The following RILPL2 variants were observed in gnomAD, a reference collection of about 807,000 sequenced individuals.
RILPL2 encodes the protein RILP-like protein 2.
RILPL2 carries 19 observed loss-of-function variants against 22.2 expected under a neutral mutation model. The ratio of observed to expected loss-of-function variants is 0.86; its 90% confidence interval spans 0.60 to 1.25. The LOEUF is 1.25. RILPL2 is among the 50% of genes most tolerant of loss of function. The pLI is 0.00. For synonymous variants in RILPL2, 123 were observed against 111.6 expected, an observed-to-expected ratio of 1.10 and a Z score of -0.64; for missense variants, 243 against 263.6, an observed-to-expected ratio of 0.92 and a Z score of 0.54.
At chr12:123,419,064 G>A (rs1879202703) in intron 3 of RILPL2, among the ~76,000 whole-genome samples, 1 of 147,806 alleles carries the variant, frequency 6.8e-6, no homozygotes, top group Admixed American at 6.9e-5. Context: ...AGGCTGGAGT[G>A]CAGTGGCACG....
In RILPL2 at chr12:123,431,846, A is replaced by G. The variant is rs140207050; in HGVS notation, c.340-1187T>C. 5.0e-4 allele frequency among the ~76,000 whole-genome samples: 76 copies of G among 151,858 alleles called. 1 individual carries two copies. In the East Asian group the frequency reaches 0.015, roughly 29 times the overall value. On this transcript the variant is annotated intron_variant, in intron 1 of 3. Transcript: ENST00000280571. ...ATCTCAAAAAAAAAAAAAAAATTTA[A>G]GATGGTAAATTTTATGTTACTGTAT...
At chr12:123,433,339 T>C (rs1361719556) in intron 1 of RILPL2, among the ~76,000 whole-genome samples, 1 of 152,202 alleles carries the variant, frequency 6.6e-6, no homozygotes, top group Non-Finnish European at 1.5e-5. Context: ...GACTTCCTGA[T>C]CCACCTGCCT....
At chr12:123,428,099 G>A (rs1879493650) in intron 2 of RILPL2, among the ~76,000 whole-genome samples, 1 of 152,124 alleles carries the variant, frequency 6.6e-6, no homozygotes, top group African/African-American at 2.4e-5. Context: ...CAGCTTGGCA[G>A]TTTCTCTTTT....
At chr12:123,410,769 A>T (rs572461652), downstream of RILPL2, 40 of 152,276 alleles carry the variant, frequency 2.6e-4, no homozygotes, top group African/African-American at 9.6e-4. Context: ...TTCAGTAATC[A>T]GTATTAGCTA....
At position 123,431,606 on chromosome 12, in the gene RILPL2, C is replaced by G. The variant is rs528460718; in HGVS notation, c.340-947G>C. 3.1e-3 allele frequency among the ~76,000 whole-genome samples: 477 copies of G among 151,900 alleles called. 2 individuals carry two copies. The highest frequency in any genetic ancestry group is 5.3e-3 in the Non-Finnish European group (360 of 67,912). ...TGGGAGGCCGAGGCGGGCGGATCAC[C>G]AGGTCAGGAGACAGAGACCATCCTG... On this transcript the variant is annotated intron_variant, in intron 1 of 3. Coordinates refer to ENST00000280571, the MANE Select transcript of RILPL2 (RefSeq NM_145058.3).
At chr12:123,430,704 AATT>A (rs750085601) in intron 1 of RILPL2, 45 bp from the exon 2 acceptor site, 383 of 1,221,300 alleles carry the variant, frequency 3.1e-4, no homozygotes, top group Middle Eastern at 8.2e-4. Flanking sequence ...TATATAATTA[AATT>A]ATTATTATTA....
At chr12:123,420,843 C>T (rs1224285546) in intron 3 of RILPL2, among the ~76,000 whole-genome samples, 1 of 152,066 alleles carries the variant, frequency 6.6e-6, no homozygotes, top group East Asian at 1.9e-4. Flanking sequence ...AGATTAGGGG[C>T]GAATGCACTT....
chr12:123,434,188 G>A (rs1005418137), intron 1 of RILPL2, among the ~76,000 whole-genome samples: 1 of 152,038 alleles, frequency 6.6e-6, no homozygotes, highest in African/African-American at 2.4e-5. Context: ...GGAGGCTGAG[G>A]TGGGCGTATC....
rs758176804 is a variant in RILPL2, at chr12:123,415,057, T to C, written c.*834A>G. 2 of 152,132 alleles carry C rather than the reference T, an allele frequency of 1.3e-5. No homozygotes were observed. The highest frequency in any genetic ancestry group is 1.5e-5 in the Non-Finnish European group (1 of 68,022). The allele number at this position is 152,132 out of a possible 1,614,324, so 9.4% of individuals were successfully genotyped here. ...AAACACATTGAGTAAGCCACTGTTA[T>C]TTACTAAGAAGACAGGCTCACGGAA... On this transcript the variant is annotated 3_prime_UTR_variant, in exon 4 of 4. Transcript: ENST00000280571.
In RILPL2 at chr12:123,433,828, C is replaced by T. The variant is rs1879715884; in HGVS notation, c.339+2254G>A. 2.6e-5 allele frequency among the ~76,000 whole-genome samples: 4 copies of T among 152,154 alleles called. No individual in the cohort carries two copies. The South Asian group carries it at 6.2e-4, about 24-fold the overall frequency. On this transcript the variant is annotated intron_variant, in intron 1 of 3. Transcript: ENST00000280571. ...TTATCTCCATAGCCCCAGAGCCTAG[C>T]ATCAGTCACTGCAGTCACTCATCAA...
At chr12:123,428,357 C>T (rs901187989) in intron 2 of RILPL2, among the ~76,000 whole-genome samples, 3 of 152,020 alleles carry the variant, frequency 2.0e-5, no homozygotes, top group Non-Finnish European at 4.4e-5. Flanking sequence ...AGGCTGGTCT[C>T]GATCTCCTGA....
chr12:123,426,838 G>T (rs1415167331), intron 2 of RILPL2, among the ~76,000 whole-genome samples: 2 of 151,810 alleles, frequency 1.3e-5, no homozygotes, highest in Non-Finnish European at 2.9e-5. Flanking sequence ...TCCTGACCTC[G>T]TGATCTGCCC....
chr12:123,424,331 A>ATTTTTTTTTT (rs56046247), intron 2 of RILPL2, among the ~76,000 whole-genome samples: 1 of 135,174 alleles, frequency 7.4e-6, no homozygotes, highest in Non-Finnish European at 1.6e-5. Context: ...TAAGAGTTAG[A>ATTTTTTTTTT]TTTTTTTTTT....
intron 1 of RILPL2, among the ~76,000 whole-genome samples, chr12:123,434,835 C>T (rs909451365): frequency 7.9e-5 from 12 of 151,888 alleles, no homozygotes; most frequent in Non-Finnish European, 1.8e-4. Context: ...CACCAGTTTG[C>T]CTTCTATAAC....
At chr12:123,417,547 T>G (rs1340984856) in intron 3 of RILPL2, among the ~76,000 whole-genome samples, 2 of 151,896 alleles carry the variant, frequency 1.3e-5, no homozygotes, top group East Asian at 3.9e-4. Flanking sequence ...ACCTCCATTC[T>G]CTTCCCTGTT....
At chr12:123,431,594 C>T (rs928749538) in intron 1 of RILPL2, among the ~76,000 whole-genome samples, 27 of 152,062 alleles carry the variant, frequency 1.8e-4, no homozygotes, top group African/African-American at 6.0e-4. Context: ...GAGGCCGAGG[C>T]GGGCGGATCA....
chr12:123,417,930 C>T (rs536082446), intron 3 of RILPL2, among the ~76,000 whole-genome samples: 2 of 151,570 alleles, frequency 1.3e-5, no homozygotes, highest in Non-Finnish European at 2.9e-5. Flanking sequence ...CTTACTGTCC[C>T]GTCTACCAGG....
intron 2 of RILPL2, among the ~76,000 whole-genome samples, chr12:123,428,195 G>A (rs905267407): frequency 6.6e-6 from 1 of 152,132 alleles, no homozygotes; most frequent in Non-Finnish European, 1.5e-5. Flanking sequence ...GGAGTGCAGT[G>A]GCGAGATGTC....
chr12:123,425,186 T>A (rs563773474), intron 2 of RILPL2, among the ~76,000 whole-genome samples: 12 of 152,152 alleles, frequency 7.9e-5, no homozygotes, highest in East Asian at 3.9e-4. Flanking sequence ...TATTATTATT[T>A]TTTTTTTGAG....
Sources: allele counts gnomAD v4.1 joint callset (sites outside exome capture counted in the v4.1 genomes callset), GRCh38; gene constraint gnomAD v4.1.1; transcripts MANE v1.5; gene names NCBI Gene and HGNC (gene_info 2026-07-23, HGNC 2026-07-21).